The following TACC2 variants were observed in gnomAD, a reference collection of about 807,000 sequenced individuals.
The protein encoded by TACC2 is transforming acidic coiled-coil-containing protein 2.
TACC2 carries 137 observed loss-of-function variants against 227.3 expected under a neutral mutation model. The ratio of observed to expected loss-of-function variants is 0.60; its 90% CI spans 0.52 to 0.69. TACC2 has a LOEUF of 0.69. TACC2 is among the 30% of genes least tolerant of loss of function. TACC2 has a pLI of 0.00. For missense variants in TACC2, 3,470 were observed against 3,694.4 expected, an observed-to-expected ratio of 0.94 and a Z score of 1.57; for synonymous variants, 1,523 against 1,487.5, an observed-to-expected ratio of 1.02 and a Z score of -0.55.
At chr10:122,054,192 G>A (rs774025554) in intron 3 of TACC2, among the ~76,000 whole-genome samples, 4 of 152,162 alleles carry the variant, frequency 2.6e-5, no homozygotes, top group Non-Finnish European at 4.4e-5. Context: ...CCATCAATTC[G>A]ACTGTCTTGC....
intron 2 of TACC2, among the ~76,000 whole-genome samples, chr10:122,034,011 G>T (rs12354718): frequency 0.15 from 23,017 of 151,860 alleles, 2,140 homozygotes; most frequent in Admixed American, 0.23. Context: ...AATTAGCTAG[G>T]CGTGGTGGCG....
At chr10:122,089,044 A>G (rs1380820061) in intron 5 of TACC2, among the ~76,000 whole-genome samples, 3 of 152,226 alleles carry the variant, frequency 2.0e-5, no homozygotes, top group Non-Finnish European at 4.4e-5. Context: ...GTTTGAGCCC[A>G]GGAGGTGAAG....
intron 16 of TACC2, among the ~76,000 whole-genome samples, chr10:122,231,983 G>T (rs2095760227): frequency 6.6e-6 from 1 of 152,202 alleles, no homozygotes. Flanking sequence ...TGAGGGCCCC[G>T]CAGTGAGGTC....
chr10:122,181,671 G>C (rs571281800), intron 7 of TACC2, among the ~76,000 whole-genome samples: 79 of 152,314 alleles, frequency 5.2e-4, no homozygotes, highest in Non-Finnish European at 6.3e-4. Context: ...CAAGATGTCA[G>C]AATCGTGTAA....
At chr10:122,179,620 G>C (rs1209344020) in intron 7 of TACC2, among the ~76,000 whole-genome samples, 1 of 151,366 alleles carries the variant, frequency 6.6e-6, no homozygotes, top group African/African-American at 2.5e-5. Context: ...TGCTGCTGTT[G>C]TTACAGCTGT....
At chr10:122,068,991 C>T (rs904034585) in intron 3 of TACC2, among the ~76,000 whole-genome samples, 15 of 131,478 alleles carry the variant, frequency 1.1e-4, no homozygotes, top group Non-Finnish European at 2.1e-4. Context: ...AGGCACCGCG[C>T]GGGCCCAACC....
chr10:122,229,018 T>G (rs928711068), intron 14 of TACC2, among the ~76,000 whole-genome samples: 1 of 152,104 alleles, frequency 6.6e-6, no homozygotes, highest in African/African-American at 2.4e-5. Flanking sequence ...TATGTTACGT[T>G]TGGAAAACCC....
intron 1 of TACC2, among the ~76,000 whole-genome samples, chr10:122,012,195 G>C (rs1050349224): frequency 5.9e-5 from 9 of 152,028 alleles, no homozygotes; most frequent in African/African-American, 2.2e-4. Context: ...GCCAAGGCGG[G>C]TGGATCATGA....
At chr10:122,042,153 G>C (rs1242063605) in intron 2 of TACC2, among the ~76,000 whole-genome samples, 2 of 152,130 alleles carry the variant, frequency 1.3e-5, no homozygotes, top group East Asian at 3.9e-4. Context: ...CACCGTGTTA[G>C]CCAGGATGGT....
intron 1 of TACC2, among the ~76,000 whole-genome samples, chr10:122,016,182 A>G (rs1956586438): frequency 6.7e-6 from 1 of 148,296 alleles, no homozygotes; most frequent in African/African-American, 2.5e-5. Flanking sequence ...TGATCGCTTG[A>G]GCCCGGAAGA....
At chr10:122,157,258 G>A (rs2092549081) in intron 7 of TACC2, among the ~76,000 whole-genome samples, 1 of 152,196 alleles carries the variant, frequency 6.6e-6, no homozygotes, top group African/African-American at 2.4e-5. Flanking sequence ...GGAAACTTGA[G>A]CGGTGGGGAC....
intron 3 of TACC2, among the ~76,000 whole-genome samples, chr10:122,075,870 G>A (rs936621462): frequency 1.3e-5 from 2 of 152,192 alleles, no homozygotes. Context: ...CATGATGTCA[G>A]CTCATGGCAG....
chr10:122,097,958 G>A (rs148753950), intron 5 of TACC2, among the ~76,000 whole-genome samples: 27 of 152,254 alleles, frequency 1.8e-4, no homozygotes, highest in African/African-American at 5.8e-4. Flanking sequence ...CTCTCTCACC[G>A]GGGAAGAGCT....
At chr10:122,196,503 G>T (rs1051605727) in intron 8 of TACC2, among the ~76,000 whole-genome samples, 20 of 152,190 alleles carry the variant, frequency 1.3e-4, no homozygotes, top group African/African-American at 4.3e-4. Context: ...TGAAAGTAGA[G>T]AAGAGCCAGG....
At chr10:122,179,490 G>A (rs1024747787) in intron 7 of TACC2, among the ~76,000 whole-genome samples, 1 of 152,176 alleles carries the variant, frequency 6.6e-6, no homozygotes, top group Non-Finnish European at 1.5e-5. Flanking sequence ...TACATGCTGG[G>A]ATCTCAGATC....
At chr10:122,198,111 T>C (rs2094638699) in intron 8 of TACC2, among the ~76,000 whole-genome samples, 2 of 152,248 alleles carry the variant, frequency 1.3e-5, no homozygotes, top group Non-Finnish European at 1.5e-5. Flanking sequence ...CCTGGCAACC[T>C]ACATTTTATA....
intron 5 of TACC2, among the ~76,000 whole-genome samples, chr10:122,129,805 C>T (rs1408669647): frequency 6.6e-6 from 1 of 152,158 alleles, no homozygotes; most frequent in African/African-American, 2.4e-5. Context: ...CACAGGGCTT[C>T]AGGATCTTGT....
intron 15 of TACC2, among the ~76,000 whole-genome samples, chr10:122,230,136 C>A (rs1179264950): frequency 1.3e-5 from 2 of 152,200 alleles, no homozygotes; most frequent in Non-Finnish European, 2.9e-5. Flanking sequence ...CACAATACTT[C>A]CTGACAATCA....
chr10:122,197,256 G>A (rs999104706), intron 8 of TACC2, among the ~76,000 whole-genome samples: 1 of 152,204 alleles, frequency 6.6e-6, no homozygotes, highest in Non-Finnish European at 1.5e-5. Flanking sequence ...ACCGGACTCT[G>A]TCTCAAAATA....
Sources: allele counts gnomAD v4.1 joint callset (sites outside exome capture counted in the v4.1 genomes callset), GRCh38; gene constraint gnomAD v4.1.1; transcripts MANE v1.5; gene names NCBI Gene and HGNC (gene_info 2026-07-23, HGNC 2026-07-21).